The following IMMP2L variants were observed in gnomAD, a reference collection of about 807,000 sequenced individuals.
IMMP2L encodes mitochondrial inner membrane protease subunit 2.
A neutral mutation model predicts 19.3 loss-of-function variants in IMMP2L; 18 were observed. The observed-to-expected ratio is 0.93, with a 90% confidence interval of 0.64 to 1.38. IMMP2L has a LOEUF of 1.38. Among genes scored for constraint, IMMP2L ranks in the 40% most tolerant of loss-of-function variants. The probability of loss-of-function intolerance (pLI) is 0.00; values close to 1 mark genes in which losing one functional copy is unlikely to be tolerated. For missense variants in IMMP2L, 233 were observed against 218.2 expected (o/e 1.07, Z -0.43); for synonymous variants, 76 against 73.0 (o/e 1.04, Z -0.21).
Position 110,787,397 on chromosome 7 carries a change from T to C in IMMP2L, c.408+99196A>G, listed in dbSNP as rs372755347. On this transcript the variant is annotated intron_variant, in intron 5 of 5. Transcript: ENST00000405709. ...CTGAACTGCTACTCAATGTGATCAG[T>C]TGAGGGTAGAGGAGGGCTTACGCAG... 4.6e-5 allele frequency among the ~76,000 whole-genome samples: 7 copies of C among 152,076 alleles called. 1 individual carries two copies. Among genetic ancestry groups the C allele is most frequent in the African/African-American group, 1.4e-4 (6 of 41,538 alleles).
chr7:111,367,705 C>A (rs1364021781), intron 3 of IMMP2L, among the ~76,000 whole-genome samples: 1 of 151,884 alleles, frequency 6.6e-6, no homozygotes, highest in Admixed American at 6.6e-5. Flanking sequence ...CTGTCCAAAG[C>A]CACACAGCTA....
chr7:111,183,830 A>T (rs1413371272), intron 3 of IMMP2L, among the ~76,000 whole-genome samples: 3 of 152,142 alleles, frequency 2.0e-5, no homozygotes, highest in Non-Finnish European at 4.4e-5. Flanking sequence ...CAAAAGACAA[A>T]TATTTCAGGC....
At chr7:111,031,907 C>A (rs1431182843) in intron 3 of IMMP2L, among the ~76,000 whole-genome samples, 1 of 151,412 alleles carries the variant, frequency 6.6e-6, no homozygotes, top group Non-Finnish European at 1.5e-5. Context: ...ACCTATAATG[C>A]CGCTATGACC....
chr7:110,800,721 G>C (rs377602889), intron 5 of IMMP2L, among the ~76,000 whole-genome samples: 2 of 151,902 alleles, frequency 1.3e-5, no homozygotes, highest in Non-Finnish European at 2.9e-5. Flanking sequence ...AAGGACATGC[G>C]CACATTTTCT....
At chr7:110,829,025 C>A (rs1803736000) in intron 5 of IMMP2L, among the ~76,000 whole-genome samples, 1 of 152,098 alleles carries the variant, frequency 6.6e-6, no homozygotes, top group African/African-American at 2.4e-5. Context: ...TCCAATACTT[C>A]ATATATGTAT....
At chr7:110,899,950 A>G (rs1167845178) in intron 4 of IMMP2L, among the ~76,000 whole-genome samples, 1 of 152,206 alleles carries the variant, frequency 6.6e-6, no homozygotes, top group African/African-American at 2.4e-5. Context: ...CTTCCAAGAA[A>G]TATGCTCAAT....
At chr7:111,356,326 C>A (rs1828696087) in intron 3 of IMMP2L, among the ~76,000 whole-genome samples, 2 of 151,936 alleles carry the variant, frequency 1.3e-5, no homozygotes, top group African/African-American at 4.8e-5. Flanking sequence ...ACTTTTTGTT[C>A]TTGTCATTAT....
chr7:110,971,277 A>G (rs1446489063), intron 3 of IMMP2L, among the ~76,000 whole-genome samples: 1 of 152,150 alleles, frequency 6.6e-6, no homozygotes, highest in Non-Finnish European at 1.5e-5. Context: ...GGTAGAAAGC[A>G]TCTTGGTAAA....
At chr7:111,512,795 G>A (rs1845567368) in intron 2 of IMMP2L, among the ~76,000 whole-genome samples, 1 of 151,932 alleles carries the variant, frequency 6.6e-6, no homozygotes, top group African/African-American at 2.4e-5. Flanking sequence ...AGAAATAAAT[G>A]TACACATTTA....
At chr7:111,220,616 G>GGATA (rs1274390403) in intron 3 of IMMP2L, among the ~76,000 whole-genome samples, 3 of 151,562 alleles carry the variant, frequency 2.0e-5, no homozygotes, top group African/African-American at 7.3e-5. Context: ...ATGGATGGAT[G>GGATA]GATGGATACA....
intron 3 of IMMP2L, among the ~76,000 whole-genome samples, chr7:111,171,869 A>G (rs1266528972): frequency 6.6e-6 from 1 of 151,586 alleles, no homozygotes; most frequent in African/African-American, 2.4e-5. Context: ...ATAGGTAAAA[A>G]AAGATAAAAT....
At position 111,414,444 on chromosome 7, in the gene IMMP2L, A is replaced by ATGTCAT. The variant is rs958870086; in HGVS notation, c.239+72793_239+72794insATGACA. Among the ~76,000 whole-genome samples the ATGTCAT allele has an allele frequency of 1.2e-4, 18 of 152,080 alleles. 1 individual carries two copies. Among genetic ancestry groups the ATGTCAT allele is most frequent in the African/African-American group, 4.4e-4 (18 of 41,348 alleles). ...AAAAGCTACATATTGTATGATCCCA[A>ATGTCAT]TTAAATGACATTCTAAAAAAGACAA... On this transcript the variant is annotated intron_variant, in intron 3 of 5. Transcript: ENST00000405709.
chr7:110,675,034 T>C (rs1428537106), intron 5 of IMMP2L, among the ~76,000 whole-genome samples: 1 of 152,156 alleles, frequency 6.6e-6, no homozygotes, highest in Non-Finnish European at 1.5e-5. Flanking sequence ...CTCCCCAATA[T>C]CCAGTTCTAC....
chr7:110,780,077 C>T lies in IMMP2L; in HGVS notation c.408+106516G>A, dbSNP rs538611537. On this transcript the variant is annotated intron_variant, in intron 5 of 5. Coordinates refer to ENST00000405709, the MANE Select transcript of IMMP2L (RefSeq NM_032549.4). ...CTACCTTTTGTACTGTCTTTAAAAT[C>T]ATCTTTGACACATGAGTTATTTATG... is the stretch of plus-strand genomic sequence containing the variant. 2.6e-5 allele frequency among the ~76,000 whole-genome samples: 4 copies of T among 151,656 alleles called. No individual in the cohort carries two copies. In the South Asian group the frequency reaches 6.2e-4, roughly 24 times the overall value.
intron 4 of IMMP2L, among the ~76,000 whole-genome samples, chr7:110,905,625 T>C (rs1812367215): frequency 6.6e-6 from 1 of 152,176 alleles, no homozygotes. Context: ...GCATGTTCAA[T>C]GGCAAAAGAT....
intron 3 of IMMP2L, among the ~76,000 whole-genome samples, chr7:111,118,728 A>C (rs1049042941): frequency 2.0e-5 from 3 of 152,146 alleles, no homozygotes; most frequent in Admixed American, 1.3e-4. Context: ...TATTAATGAA[A>C]TATCATAATC....
intron 3 of IMMP2L, among the ~76,000 whole-genome samples, chr7:111,335,685 C>A (rs1826328960): frequency 6.6e-6 from 1 of 152,082 alleles, no homozygotes; most frequent in South Asian, 2.1e-4. Context: ...CACAACAGGA[C>A]ACTTTAAAAG....
intron 5 of IMMP2L, among the ~76,000 whole-genome samples, chr7:110,791,471 T>C (rs1416922329): frequency 6.6e-6 from 1 of 151,750 alleles, no homozygotes; most frequent in Admixed American, 6.6e-5. Context: ...TTATCTTTAA[T>C]GATAATTATT....
chr7:111,228,966 CGTGTGTGTGTGTGTGTGTGT>C (rs10530563), intron 3 of IMMP2L, among the ~76,000 whole-genome samples: 1 of 143,950 alleles, frequency 6.9e-6, no homozygotes, highest in African/African-American at 2.6e-5. Context: ...ACTAGCAATG[CGTGTGTGTGTGTGTGTGTGT>C]GTGTGTGTGT....
Sources: gnomAD v4.1 joint callset for allele counts (sites outside exome capture counted in the v4.1 genomes callset) on GRCh38, gnomAD v4.1.1 for gene constraint, MANE v1.5 for transcripts, NCBI Gene and HGNC (gene_info 2026-07-23, HGNC 2026-07-21) for gene names.